Variants in C9orf72 observed in about 807,000 individuals in gnomAD.
The protein encoded by C9orf72 is C9orf72-SMCR8 complex subunit, also known as guanine nucleotide exchange factor C9orf72.
Under a neutral mutation model 51.6 loss-of-function variants are expected in C9orf72, and 44 were observed. The observed-to-expected ratio is 0.85, with a 90% CI of 0.67 to 1.10. C9orf72 has a LOEUF of 1.10. Among genes scored for constraint, C9orf72 ranks in the 50% least tolerant of loss-of-function variants. The probability of loss-of-function intolerance (pLI) is 0.00; values close to 1 mark genes in which losing one functional copy is unlikely to be tolerated. For synonymous variants in C9orf72, 213 were observed against 194.2 expected, an observed-to-expected ratio of 1.10 and a Z score of -0.81; for missense variants, 607 against 570.6, an observed-to-expected ratio of 1.06 and a Z score of -0.65.
chr9:27,560,401 C>A, intron 5 of C9orf72, 102 bp from the exon 6 acceptor site: 1 of 829,960 alleles, frequency 1.2e-6, no homozygotes, highest in Non-Finnish European at 1.9e-6. Context: ...CTCAGAATAG[C>A]TTTATATGAT....
chr9:27,555,440 G>C (rs1280615447), intron 8 of C9orf72, among the ~76,000 whole-genome samples: 2 of 152,012 alleles, frequency 1.3e-5, no homozygotes, highest in Non-Finnish European at 2.9e-5. Context: ...AACTGATTCT[G>C]TAGATACATA....
rs577176618 is a variant in C9orf72, at chr9:27,560,389, A to G, written c.666-90T>C. ...AAAAAAGTAGGTGAGCTCTTCAAAT[A>G]ACTCAGAATAGCTTTATATGATAAA... On this transcript the variant is annotated intron_variant, in intron 5 of 10. Transcript: ENST00000380003. 147 of 910,026 alleles carry G rather than the reference A, an allele frequency of 1.6e-4. 1 individual carries two copies. In the South Asian group the frequency reaches 2.3e-3, roughly 14 times the overall value. 56.4% of individuals were successfully genotyped at this position (910,026 alleles called of 1,614,324 possible).
At chr9:27,568,040 T>TA (rs1819507456) in intron 1 of C9orf72, among the ~76,000 whole-genome samples, 1 of 81,544 alleles carries the variant, frequency 1.2e-5, no homozygotes, top group Non-Finnish European at 2.4e-5. Context: ...CTTAGAAAAG[T>TA]AATACAACAC....
upstream of C9orf72, chr9:27,573,596 C>T (rs1405358150): frequency 6.8e-6 from 1 of 146,358 alleles, no homozygotes; most frequent in East Asian, 2.1e-4. Flanking sequence ...GCGGTTGTTT[C>T]CCTCCTTGTT....
chr9:27,550,692 A>G lies in C9orf72; in HGVS notation c.1107T>C (p.Asp369=). The G allele has an allele frequency of 6.3e-7, 1 of 1,581,832 alleles. No individual in the cohort carries two copies. The change falls in exon 9 of 11, where the codon GAT becomes GAC. Residue 369 remains aspartate, a synonymous_variant. Coordinates refer to ENST00000380003, the MANE Select transcript of C9orf72 (RefSeq NM_018325.5). ...SFTPDLNIFQ[D]VLHRDTLVKA... ...TCACTAGAGTGTCTCTGTGTAAGAC[A>G]TCTTGAAAAATATTCCTGAAGAAAA... is the stretch of plus-strand genomic sequence containing the variant.
At chr9:27,560,645 T>C (rs959766284) in intron 5 of C9orf72, 63 of 1,015,220 alleles carry the variant, frequency 6.2e-5, no homozygotes, top group South Asian at 7.5e-5. Context: ...TAAAATGATG[T>C]ATGAAAGGCT....
At chr9:27,562,323 A>G in intron 4 of C9orf72, 58 bp downstream of exon 4, 2 of 718,236 alleles carry the variant, frequency 2.8e-6, no homozygotes, top group Non-Finnish European at 2.2e-6. Flanking sequence ...AATATACATA[A>G]TAATACTATA....
intron 8 of C9orf72, 56 bp from the exon 9 acceptor site, chr9:27,550,763 T>G: frequency 1.2e-5 from 11 of 933,608 alleles, no homozygotes; most frequent in African/African-American, 1.7e-5. Flanking sequence ...GAAATGGCCA[T>G]ATAATGCTAC....
intron 7 of C9orf72, among the ~76,000 whole-genome samples, chr9:27,557,567 G>T (rs1159865960): frequency 6.6e-6 from 1 of 152,038 alleles, no homozygotes; most frequent in Non-Finnish European, 1.5e-5. Flanking sequence ...TAGGCATCTG[G>T]TATAGGTCCC....
At chr9:27,571,799 AGAGAAGCAG>A (rs1819591832) in intron 1 of C9orf72, among the ~76,000 whole-genome samples, 1 of 152,180 alleles carries the variant, frequency 6.6e-6, no homozygotes, top group Admixed American at 6.5e-5. Context: ...CCCAGCCCAA[AGAGAAGCAG>A]GATCCTAAAC....
At chr9:27,557,014 A>G (rs1819218147) in intron 7 of C9orf72, among the ~76,000 whole-genome samples, 1 of 152,184 alleles carries the variant, frequency 6.6e-6, no homozygotes, top group Admixed American at 6.5e-5. Flanking sequence ...CATCCAAAGG[A>G]AGTGGTTAAG....
intron 5 of C9orf72, 148 bp downstream of exon 5, chr9:27,561,437 C>A: frequency 7.1e-7 from 1 of 1,402,204 alleles, no homozygotes; most frequent in Non-Finnish European, 9.2e-7. Flanking sequence ...TGAAAAATAA[C>A]ACAAATTTAA....
chr9:27,552,648 A>T (rs1254212461), intron 8 of C9orf72, among the ~76,000 whole-genome samples: 3 of 150,324 alleles, frequency 2.0e-5, no homozygotes, highest in African/African-American at 7.4e-5. Context: ...GAGTCACTAC[A>T]CCTGACCTAC....
intron 1 of C9orf72, 110 bp downstream of exon 1, chr9:27,573,321 G>C (rs1326413148): frequency 6.3e-6 from 1 of 159,160 alleles, no homozygotes; most frequent in African/African-American, 2.4e-5. Context: ...AAATGAGAGG[G>C]AAAGTAAAAA....
chr9:27,558,436 G>C (rs2131535982), intron 7 of C9orf72, 55 bp downstream of exon 7: 1 of 915,388 alleles, frequency 1.1e-6, no homozygotes, highest in South Asian at 1.4e-5. Flanking sequence ...TCTATAAAGA[G>C]TCTCAAAAAT....
chr9:27,566,606 A>G, intron 2 of C9orf72, 71 bp downstream of exon 2: 2 of 1,085,488 alleles, frequency 1.8e-6, no homozygotes, highest in Non-Finnish European at 2.7e-6. Context: ...AAAAAATAAG[A>G]TTTATATGTA....
At chr9:27,568,183 G>GT (rs1353985707) in intron 1 of C9orf72, among the ~76,000 whole-genome samples, 1 of 151,356 alleles carries the variant, frequency 6.6e-6, no homozygotes, top group Admixed American at 6.6e-5. Context: ...GAACTCTCTG[G>GT]TTATGAGAAT....
At position 27,566,774 on chromosome 9, in the gene C9orf72, A is replaced by G; in HGVS notation, c.347T>C (p.Leu116Pro). 1 of 1,613,796 alleles carries G rather than the reference A, an allele frequency of 6.2e-7. No homozygotes were observed. Among genetic ancestry groups the G allele is most frequent in the Admixed American group, 1.7e-5 (1 of 59,998 alleles). Residue 116 changes from leucine (L) to proline (P), a missense_variant, in exon 2 of 11, where the codon CTT becomes CCT. Leu to Pro is a moderately conservative substitution (Grantham distance 98, BLOSUM62 -3). Transcript: ENST00000380003. ...GTAGAAACTAAGTTCTGTCTGTGGA[A>G]GTATAATTGATAGTCCATATGTGCT... is the stretch of plus-strand genomic sequence containing the variant. ...DRSTYGLSII[L>P]PQTELSFYLP...
At chr9:27,557,440 C>T (rs1292072465) in intron 7 of C9orf72, among the ~76,000 whole-genome samples, 1 of 152,036 alleles carries the variant, frequency 6.6e-6, no homozygotes, top group African/African-American at 2.4e-5. Context: ...TATTATAATG[C>T]TGTGATAATC....
Sources: allele counts gnomAD v4.1 joint callset (sites outside exome capture counted in the v4.1 genomes callset), GRCh38; gene constraint gnomAD v4.1.1; transcripts MANE v1.5; gene names NCBI Gene and HGNC (gene_info 2026-07-23, HGNC 2026-07-21).